The following TYW1 variants were observed in gnomAD, a reference collection of about 807,000 sequenced individuals.
The protein encoded by TYW1 is S-adenosyl-L-methionine-dependent tRNA 4-demethylwyosine synthase TYW1.
A neutral mutation model predicts 96.2 loss-of-function variants in TYW1; 46 were observed. That is an observed-to-expected ratio of 0.48 (90% CI 0.38 to 0.61). TYW1 has a LOEUF of 0.61. Ranked by LOEUF, TYW1 falls within the 20% of genes least tolerant of loss-of-function variation. The pLI is 0.00. For missense variants in TYW1, 684 were observed against 909.6 expected (o/e 0.75, Z 3.19); for synonymous variants, 274 against 323.0 (o/e 0.85, Z 1.63).
chr7:67,039,005 G>A (rs1794929749), intron 7 of TYW1, among the ~76,000 whole-genome samples: 1 of 152,338 alleles, frequency 6.6e-6, no homozygotes, highest in African/African-American at 2.4e-5. Context: ...CAAAATGCAA[G>A]TATTTGAAAA....
At position 67,230,933 on chromosome 7, in the gene TYW1, C is replaced by G. The variant is rs545940696; in HGVS notation, c.1978-7375C>G. Among the ~76,000 whole-genome samples, 23 of 152,216 alleles carry G rather than the reference C, an allele frequency of 1.5e-4. No homozygotes were observed. The South Asian group carries it at 4.8e-3, about 32-fold the overall frequency. On this transcript the variant is annotated intron_variant, in intron 15 of 15. Transcript: ENST00000359626. ...GGGATTACAGGTGTGAGCCACCATG[C>G]CTGGCTGCTTATTATCTCTTTACTG... is the stretch of plus-strand genomic sequence containing the variant.
chr7:67,116,279 T>G (rs1303810921), intron 12 of TYW1, among the ~76,000 whole-genome samples: 3 of 149,816 alleles, frequency 2.0e-5, no homozygotes, highest in Non-Finnish European at 3.0e-5. Context: ...GAGCTGAGAT[T>G]GCACCACTGT....
At chr7:67,111,883 T>C (rs1308899900) in intron 12 of TYW1, among the ~76,000 whole-genome samples, 1 of 152,098 alleles carries the variant, frequency 6.6e-6, no homozygotes, top group Admixed American at 6.5e-5. Context: ...GTGGGTCACC[T>C]GCAGTCAGTT....
intron 13 of TYW1, among the ~76,000 whole-genome samples, chr7:67,123,072 G>A (rs1797808193): frequency 6.6e-6 from 1 of 152,114 alleles, no homozygotes; most frequent in East Asian, 1.9e-4. Context: ...TTTAGGATGA[G>A]CTCGTCTCCC....
At chr7:67,150,596 T>C (rs1245226388) in intron 13 of TYW1, among the ~76,000 whole-genome samples, 1 of 152,236 alleles carries the variant, frequency 6.6e-6, no homozygotes, top group African/African-American at 2.4e-5. Flanking sequence ...ACCAAGGAAA[T>C]AATGTTGAAT....
chr7:67,045,715 C>T (rs1024570265), intron 7 of TYW1, among the ~76,000 whole-genome samples: 1 of 152,092 alleles, frequency 6.6e-6, no homozygotes, highest in Non-Finnish European at 1.5e-5. Context: ...TGCAGCTTGG[C>T]GAGGACATGA....
At chr7:67,190,028 C>T (rs1261878365) in intron 14 of TYW1, among the ~76,000 whole-genome samples, 1 of 151,692 alleles carries the variant, frequency 6.6e-6, no homozygotes, top group East Asian at 1.9e-4. Context: ...TGTTCTCTGC[C>T]TAGCATTACA....
At chr7:67,087,791 C>T (rs1427124543) in intron 11 of TYW1, among the ~76,000 whole-genome samples, 3 of 152,170 alleles carry the variant, frequency 2.0e-5, no homozygotes, top group South Asian at 2.1e-4. Context: ...TTTGAAGGTG[C>T]GGAGGGTGTA....
At chr7:67,039,687 CAG>C (rs1794953198) in intron 7 of TYW1, among the ~76,000 whole-genome samples, 1 of 149,476 alleles carries the variant, frequency 6.7e-6, no homozygotes, top group South Asian at 2.1e-4. Flanking sequence ...TTTTTTGAGA[CAG>C]AGTCTCACTC....
intron 7 of TYW1, among the ~76,000 whole-genome samples, chr7:67,027,584 C>G (rs1694077794): frequency 1.3e-5 from 2 of 152,088 alleles, no homozygotes; most frequent in East Asian, 1.9e-4. Flanking sequence ...CTATTTGCCT[C>G]TTATATCTCA....
chr7:67,110,327 T>C (rs1797362686), intron 12 of TYW1, among the ~76,000 whole-genome samples: 3 of 152,196 alleles, frequency 2.0e-5, no homozygotes, highest in Admixed American at 1.3e-4. Context: ...GAGAAGGCCC[T>C]GTGCTTTTGG....
At chr7:67,111,531 G>A (rs1009373401) in intron 12 of TYW1, among the ~76,000 whole-genome samples, 6 of 152,104 alleles carry the variant, frequency 3.9e-5, no homozygotes, top group Non-Finnish European at 8.8e-5. Flanking sequence ...ACAAAAGTAT[G>A]AAAATGATGA....
At position 67,216,593 on chromosome 7, in the gene TYW1, GTTTC is replaced by G. The variant is rs546138673; in HGVS notation, c.1977+21261_1977+21264del. On this transcript the variant is annotated intron_variant, in intron 15 of 15. Coordinates refer to ENST00000359626, the MANE Select transcript of TYW1 (RefSeq NM_018264.4). ...CACTAGAATGCTGTTTATTTTTATT[GTTTC>G]TTTCCTTCCTACTTTCTCTGAAATG... Among the ~76,000 whole-genome samples, 650 of 145,980 alleles carry G rather than the reference GTTTC, an allele frequency of 4.5e-3. 12 individuals carry two copies. Among genetic ancestry groups the G allele is most frequent in the Non-Finnish European group, 8.3e-3 (549 of 66,294 alleles).
intron 13 of TYW1, among the ~76,000 whole-genome samples, chr7:67,145,882 A>G (rs1269369570): frequency 3.3e-5 from 5 of 151,956 alleles, no homozygotes; most frequent in African/African-American, 1.2e-4. Flanking sequence ...AACCTCCCAA[A>G]TAGCTGGGAC....
At chr7:67,139,428 CAT>C (rs963982943) in intron 13 of TYW1, among the ~76,000 whole-genome samples, 5 of 152,266 alleles carry the variant, frequency 3.3e-5, no homozygotes, top group South Asian at 2.1e-4. Context: ...AATGTACACA[CAT>C]GTGTATGCAC....
At chr7:67,195,126 A>C (rs1563065729) in intron 14 of TYW1, 44 bp from the exon 15 acceptor site, 1 of 1,580,056 alleles carries the variant, frequency 6.3e-7, no homozygotes, top group Non-Finnish European at 8.6e-7. Context: ...TATGACATGC[A>C]GGTAGGTCTG....
At chr7:67,225,355 G>A (rs1171793517) in intron 15 of TYW1, among the ~76,000 whole-genome samples, 2 of 152,144 alleles carry the variant, frequency 1.3e-5, no homozygotes, top group Non-Finnish European at 2.9e-5. Context: ...AGGAGACAGA[G>A]TCCCTGTCCC....
At chr7:67,094,419 A>G (rs1341210010) in intron 11 of TYW1, among the ~76,000 whole-genome samples, 1 of 152,082 alleles carries the variant, frequency 6.6e-6, no homozygotes, top group Admixed American at 6.6e-5. Context: ...TCTTTGAGAA[A>G]TCTCTCTATA....
chr7:67,235,428 A>C (rs1563083834), intron 15 of TYW1, among the ~76,000 whole-genome samples: 1 of 152,192 alleles, frequency 6.6e-6, no homozygotes, highest in Non-Finnish European at 1.5e-5. Context: ...ATGTCATGTC[A>C]GTCACCCCAG....
Sources: allele counts gnomAD v4.1 joint callset (sites outside exome capture counted in the v4.1 genomes callset), GRCh38; gene constraint gnomAD v4.1.1; transcripts MANE v1.5; gene names NCBI Gene and HGNC (gene_info 2026-07-23, HGNC 2026-07-21).